PPP3CA: variants seen among roughly 807,000 people sequenced by gnomAD.
PPP3CA encodes protein phosphatase 3 catalytic subunit alpha.
In PPP3CA, 14 loss-of-function variants were observed where a neutral mutation model predicts 66.5. The observed-to-expected ratio is 0.21, with a 90% confidence interval of 0.14 to 0.33. The LOEUF is 0.33. Among genes scored for constraint, PPP3CA ranks in the 10% least tolerant of loss-of-function variants. PPP3CA has a pLI of 1.00. For synonymous variants in PPP3CA, 232 were observed against 226.2 expected (o/e 1.03, Z -0.23); for missense variants, 317 against 639.5 (o/e 0.50, Z 5.44).
At chr4:101,190,041 T>G (rs1724548995) in intron 2 of PPP3CA, among the ~76,000 whole-genome samples, 1 of 152,014 alleles carries the variant, frequency 6.6e-6, no homozygotes, top group Non-Finnish European at 1.5e-5. Flanking sequence ...AGTATAAAAA[T>G]GAATATAGCA....
chr4:101,163,263 C>T (rs1723578061), intron 2 of PPP3CA, among the ~76,000 whole-genome samples: 1 of 152,094 alleles, frequency 6.6e-6, no homozygotes, highest in African/African-American at 2.4e-5. Flanking sequence ...TGATATATTC[C>T]TCTGCTTTTT....
intron 1 of PPP3CA, among the ~76,000 whole-genome samples, chr4:101,242,919 C>T (rs1308404874): frequency 6.6e-6 from 1 of 152,104 alleles, no homozygotes; most frequent in Non-Finnish European, 1.5e-5. Flanking sequence ...ACAGAGAAAC[C>T]TCATTCCTTG....
At chr4:101,289,694 T>C (rs574552376) in intron 1 of PPP3CA, among the ~76,000 whole-genome samples, 5 of 152,342 alleles carry the variant, frequency 3.3e-5, no homozygotes, top group African/African-American at 9.6e-5. Flanking sequence ...TTTTTATACA[T>C]AATATATGCA....
At chr4:101,228,482 TAA>T (rs1171976649) in intron 1 of PPP3CA, among the ~76,000 whole-genome samples, 1 of 151,658 alleles carries the variant, frequency 6.6e-6, no homozygotes, top group African/African-American at 2.4e-5. Flanking sequence ...GAGTCTTGAT[TAA>T]AGGCACCATG....
At chr4:101,329,674 A>G (rs1324218548) in intron 1 of PPP3CA, among the ~76,000 whole-genome samples, 5 of 152,146 alleles carry the variant, frequency 3.3e-5, no homozygotes, top group African/African-American at 9.7e-5. Context: ...CTGGTAACTT[A>G]AGTTGAGGCC....
chr4:101,033,277 CACACACACACACACAA>C (rs1158863733), intron 11 of PPP3CA, among the ~76,000 whole-genome samples: 108 of 79,870 alleles, frequency 1.4e-3, no homozygotes, highest in Admixed American at 5.0e-3. Flanking sequence ...TACATAGAGA[CACACACACACACACAA>C]ACACACACAC....
chr4:101,265,398 A>G (rs920438891), intron 1 of PPP3CA, among the ~76,000 whole-genome samples: 16 of 152,112 alleles, frequency 1.1e-4, no homozygotes, highest in Non-Finnish European at 4.4e-5. Flanking sequence ...TGTGTGCCAT[A>G]GCACCCAGCC....
chr4:101,189,021 T>C (rs1390273278), intron 2 of PPP3CA, among the ~76,000 whole-genome samples: 5 of 152,182 alleles, frequency 3.3e-5, no homozygotes, highest in Admixed American at 2.0e-4. Flanking sequence ...CCACAGATTC[T>C]TCTGTAAGAA....
At chr4:101,103,286 G>A (rs576337963) in intron 3 of PPP3CA, among the ~76,000 whole-genome samples, 12 of 152,282 alleles carry the variant, frequency 7.9e-5, no homozygotes, top group South Asian at 4.1e-4. Context: ...GTAACTACTC[G>A]TACTGTGAAA....
intron 1 of PPP3CA, among the ~76,000 whole-genome samples, chr4:101,235,710 T>C (rs764239321): frequency 4.6e-5 from 7 of 151,880 alleles, no homozygotes; most frequent in Non-Finnish European, 1.0e-4. Flanking sequence ...GAATAATCAT[T>C]ACTTATTTGA....
At chr4:101,213,436 T>C (rs183012614) in intron 1 of PPP3CA, among the ~76,000 whole-genome samples, 22 of 152,302 alleles carry the variant, frequency 1.4e-4, no homozygotes, top group Non-Finnish European at 2.8e-4. Flanking sequence ...AAACCAATGA[T>C]GGATAAGTAA....
intron 1 of PPP3CA, among the ~76,000 whole-genome samples, chr4:101,238,460 T>C (rs1726196815): frequency 1.3e-5 from 2 of 152,004 alleles, no homozygotes; most frequent in East Asian, 3.9e-4. Flanking sequence ...TTCTTTAGAA[T>C]AACATTATCT....
At chr4:101,097,438 TAGAA>T (rs1247701276) in intron 5 of PPP3CA, among the ~76,000 whole-genome samples, 1 of 152,110 alleles carries the variant, frequency 6.6e-6, no homozygotes, top group East Asian at 1.9e-4. Flanking sequence ...ATTTCCTAGA[TAGAA>T]AGCTTAATGG....
At chr4:101,335,928 G>A (rs1729615451) in intron 1 of PPP3CA, among the ~76,000 whole-genome samples, 1 of 152,192 alleles carries the variant, frequency 6.6e-6, no homozygotes, top group South Asian at 2.1e-4. Flanking sequence ...AAACTGGCCG[G>A]GCATGGTGGC....
chr4:101,346,725 G>A lies in PPP3CA; in HGVS notation c.58+14C>T, dbSNP rs1464672669. ...GCACACGGTGCACCCAGGCCACCGC[G>A]GCGCTCCGCTTACCTTTCACCACCC... On this transcript the variant is annotated intron_variant, in intron 1 of 13. Coordinates refer to ENST00000394854, the MANE Select transcript of PPP3CA (RefSeq NM_000944.5). 2 of 1,608,764 alleles carry A rather than the reference G, an allele frequency of 1.2e-6. No individual in the cohort carries two copies. The highest frequency in any genetic ancestry group is 1.7e-6 in the Non-Finnish European group (2 of 1,177,998).
chr4:101,035,666 C>A (rs1727210106), intron 11 of PPP3CA, among the ~76,000 whole-genome samples: 1 of 152,098 alleles, frequency 6.6e-6, no homozygotes, highest in African/African-American at 2.4e-5. Flanking sequence ...TCCTTCCTTG[C>A]TCTTTTTTTC....
intron 1 of PPP3CA, among the ~76,000 whole-genome samples, chr4:101,244,879 G>T (rs994637327): frequency 6.6e-6 from 1 of 152,004 alleles, no homozygotes; most frequent in Admixed American, 6.6e-5. Flanking sequence ...CCAAATACAT[G>T]GCTCTGTAAG....
chr4:101,163,834 T>C (rs1489116323), intron 2 of PPP3CA, among the ~76,000 whole-genome samples: 1 of 151,998 alleles, frequency 6.6e-6, no homozygotes, highest in Non-Finnish European at 1.5e-5. Context: ...CTACATTTGG[T>C]TTGGTCTAGC....
intron 1 of PPP3CA, among the ~76,000 whole-genome samples, chr4:101,223,883 G>T (rs1312736872): frequency 6.6e-6 from 1 of 151,526 alleles, no homozygotes; most frequent in African/African-American, 2.4e-5. Flanking sequence ...CTTAAAATAA[G>T]AAATGTATAT....
Sources: allele counts gnomAD v4.1 joint callset (sites outside exome capture counted in the v4.1 genomes callset), GRCh38; gene constraint gnomAD v4.1.1; transcripts MANE v1.5; gene names NCBI Gene and HGNC (gene_info 2026-07-23, HGNC 2026-07-21).